The following ERICH1 variants were observed in gnomAD, a reference collection of about 807,000 sequenced individuals.
The protein encoded by ERICH1 is glutamate-rich protein 1.
ERICH1 carries 56 observed loss-of-function variants against 39.6 expected under a neutral mutation model. The observed-to-expected ratio is 1.41, with a 90% CI of 1.14 to 1.77. The LOEUF (loss-of-function observed/expected upper bound fraction) is 1.77, where lower values mean the gene tolerates loss of function less well. ERICH1 is among the 40% of genes most tolerant of loss of function. The probability of loss-of-function intolerance (pLI) is 0.00; values close to 1 mark genes in which losing one functional copy is unlikely to be tolerated. For synonymous variants in ERICH1, 313 were observed against 223.6 expected (o/e 1.40, Z -3.57); for missense variants, 826 against 575.4 (o/e 1.44, Z -4.45).
intron 3 of ERICH1, among the ~76,000 whole-genome samples, chr8:689,625 G>A (rs925066261): frequency 6.6e-6 from 1 of 152,144 alleles, no homozygotes; most frequent in Non-Finnish European, 1.5e-5. Context: ...AGGCATGTTG[G>A]GGGCACTGCG....
intron 3 of ERICH1, chr8:626,682 G>C (rs1257288037): frequency 6.1e-6 from 1 of 163,872 alleles, no homozygotes; most frequent in Admixed American, 5.7e-5. Flanking sequence ...CCCAGAGGGT[G>C]GCCTGCCTAG....
At chr8:691,973 G>C (rs1809000212) in intron 3 of ERICH1, among the ~76,000 whole-genome samples, 1 of 152,174 alleles carries the variant, frequency 6.6e-6, no homozygotes, top group South Asian at 2.1e-4. Flanking sequence ...ACCGTATTAA[G>C]AGAATATTGT....
intron 3 of ERICH1, among the ~76,000 whole-genome samples, chr8:675,111 G>T (rs1804400239): frequency 6.6e-6 from 1 of 150,644 alleles, no homozygotes; most frequent in Admixed American, 6.6e-5. Flanking sequence ...AGTGAGGACA[G>T]AGACGTGGCG....
intron 1 of ERICH1, among the ~76,000 whole-genome samples, chr8:716,284 C>G (rs1362441505): frequency 1.3e-5 from 2 of 152,248 alleles, no homozygotes; most frequent in Non-Finnish European, 2.9e-5. Flanking sequence ...AGGCTGTGCA[C>G]TGCTGGCAGG....
chr8:653,679 G>T (rs1800255927), intron 3 of ERICH1, among the ~76,000 whole-genome samples: 1 of 152,228 alleles, frequency 6.6e-6, no homozygotes, highest in Non-Finnish European at 1.5e-5. Context: ...AATGGAATAT[G>T]ATCCAGCCTT....
At chr8:709,504 T>G (rs772046023) in intron 2 of ERICH1, among the ~76,000 whole-genome samples, 1 of 152,220 alleles carries the variant, frequency 6.6e-6, no homozygotes, top group Non-Finnish European at 1.5e-5. Flanking sequence ...AACCTTCTCA[T>G]TTGCTCCCTG....
intron 2 of ERICH1, among the ~76,000 whole-genome samples, chr8:695,239 G>T (rs1441917079): frequency 6.6e-6 from 1 of 152,080 alleles, no homozygotes; most frequent in Non-Finnish European, 1.5e-5. Context: ...ACCCAGCCCT[G>T]TGCGGAAGGG....
intron 3 of ERICH1, 121 bp from the exon 4 acceptor site, chr8:674,168 T>C (rs986085303): frequency 1.2e-4 from 139 of 1,152,494 alleles, no homozygotes; most frequent in Non-Finnish European, 2.6e-5. Flanking sequence ...TTACACTATT[T>C]ACTTCGGTGA....
intron 3 of ERICH1, among the ~76,000 whole-genome samples, chr8:621,328 A>G (rs1797269021): frequency 6.6e-6 from 1 of 152,122 alleles, no homozygotes; most frequent in Non-Finnish European, 1.5e-5. Context: ...ACACTCTCAA[A>G]TCAATAACCT....
chr8:664,460 T>G lies in ERICH1; in HGVS notation c.*143A>C, dbSNP rs1177350977. On this transcript the variant is annotated 3_prime_UTR_variant, in exon 6 of 6. Coordinates refer to ENST00000262109, the MANE Select transcript of ERICH1 (RefSeq NM_207332.3). ...TCATCTGAAGCCTCAGATGGCATCT[T>G]GCCCACCAGGAACAAACACGTGAAT... is the stretch of plus-strand genomic sequence containing the variant. The G allele has an allele frequency of 2.3e-6, 3 of 1,277,232 alleles. No individual in the cohort carries two copies. The highest frequency in any genetic ancestry group is 3.7e-5 in the Admixed American group (1 of 27,110). The allele number at this position is 1,277,232 out of a possible 1,614,324, so 79.1% of individuals were successfully genotyped here. A position where few individuals can be genotyped will look rare whatever the true frequency, so the allele number is the denominator to read the frequency against.
chr8:627,121 G>T (rs765459706), intron 3 of ERICH1: 1 of 456,140 alleles, frequency 2.2e-6, no homozygotes, highest in Non-Finnish European at 4.4e-6. Context: ...ATCAGTCAAG[G>T]TCATGGATAT....
At chr8:669,844 A>G (rs1669611) in intron 4 of ERICH1, among the ~76,000 whole-genome samples, 2,158 of 152,304 alleles carry the variant, frequency 0.014, 58 homozygotes, top group African/African-American at 0.048. Flanking sequence ...CAGCAGTATG[A>G]CTGCAATTCA....
chr8:632,268 T>G (rs1184071257), intron 3 of ERICH1, among the ~76,000 whole-genome samples: 1 of 152,150 alleles, frequency 6.6e-6, no homozygotes, highest in Non-Finnish European at 1.5e-5. Flanking sequence ...TTTGAGATAG[T>G]TTTTCTCAAA....
At chr8:618,513 G>T (rs906416629) in intron 3 of ERICH1, among the ~76,000 whole-genome samples, 4 of 152,232 alleles carry the variant, frequency 2.6e-5, no homozygotes, top group African/African-American at 9.6e-5. Flanking sequence ...CATGGCATAA[G>T]CTCAGTGGGT....
chr8:674,317 T>C (rs1000972977), intron 3 of ERICH1, among the ~76,000 whole-genome samples: 9 of 150,360 alleles, frequency 6.0e-5, no homozygotes, highest in South Asian at 2.1e-4. Context: ...TTTTTTTTTT[T>C]CCTGACACAG....
intron 4 of ERICH1, among the ~76,000 whole-genome samples, chr8:669,853 C>T (rs535759677): frequency 6.6e-6 from 1 of 152,360 alleles, no homozygotes; most frequent in South Asian, 2.1e-4. Flanking sequence ...GACTGCAATT[C>T]ACTTGCCTCT....
At chr8:653,701 G>A (rs987960552) in intron 3 of ERICH1, among the ~76,000 whole-genome samples, 1 of 152,214 alleles carries the variant, frequency 6.6e-6, no homozygotes, top group African/African-American at 2.4e-5. Flanking sequence ...AAAAAGAAGG[G>A]AGTCTGGACA....
intron 1 of ERICH1, among the ~76,000 whole-genome samples, chr8:728,254 C>T (rs927882101): frequency 6.6e-6 from 1 of 152,202 alleles, no homozygotes; most frequent in Non-Finnish European, 1.5e-5. Context: ...AGCAGGGACA[C>T]AGTAAGCGTT....
chr8:678,424 A>G (rs1376139521), intron 3 of ERICH1, among the ~76,000 whole-genome samples: 1 of 152,272 alleles, frequency 6.6e-6, no homozygotes, highest in Non-Finnish European at 1.5e-5. Context: ...AATTTAGCCA[A>G]TGGACACAGA....
Sources: gnomAD v4.1 joint callset for allele counts (sites outside exome capture counted in the v4.1 genomes callset) on GRCh38, gnomAD v4.1.1 for gene constraint, MANE v1.5 for transcripts, NCBI Gene and HGNC (gene_info 2026-07-23, HGNC 2026-07-21) for gene names.